GRID2: variants seen among roughly 807,000 people sequenced by gnomAD.
GRID2 encodes the protein glutamate ionotropic receptor delta type subunit 2, also known as glutamate receptor ionotropic, delta-2.
A neutral mutation model predicts 114.8 loss-of-function variants in GRID2; 33 were observed. That is an observed-to-expected ratio of 0.29 (90% CI 0.22 to 0.38). The LOEUF (loss-of-function observed/expected upper bound fraction) is 0.38, where lower values mean the gene tolerates loss of function less well. Among genes scored for constraint, GRID2 ranks in the 10% least tolerant of loss-of-function variants. The probability of loss-of-function intolerance (pLI) is 1.00; values close to 1 mark genes in which losing one functional copy is unlikely to be tolerated. For synonymous variants in GRID2, 505 were observed against 449.9 expected (o/e 1.12, Z -1.55); for missense variants, 1,184 against 1,257.7 (o/e 0.94, Z 0.89).
chr4:93,657,373 CT>C (rs1386827519), intron 14 of GRID2, among the ~76,000 whole-genome samples: 1 of 152,014 alleles, frequency 6.6e-6, no homozygotes, highest in African/African-American at 2.4e-5. Context: ...TGAAATTAAA[CT>C]GTAGATTGAC....
At chr4:92,936,638 A>G (rs1287325101) in intron 2 of GRID2, among the ~76,000 whole-genome samples, 1 of 146,104 alleles carries the variant, frequency 6.8e-6, no homozygotes, top group Non-Finnish European at 1.5e-5. Flanking sequence ...GTTGTCATTT[A>G]TAAGGTCTGT....
intron 2 of GRID2, among the ~76,000 whole-genome samples, chr4:93,039,161 C>CT (rs1170301624): frequency 5.3e-5 from 8 of 152,138 alleles, no homozygotes; most frequent in Admixed American, 5.2e-4. Context: ...AGTTCATGTC[C>CT]TTTGCAGGAA....
At chr4:93,538,074 C>T (rs1732278456) in intron 13 of GRID2, among the ~76,000 whole-genome samples, 1 of 151,490 alleles carries the variant, frequency 6.6e-6, no homozygotes, top group South Asian at 2.1e-4. Flanking sequence ...AATTTTTATT[C>T]GTTTATTAAA....
chr4:93,579,655 A>T (rs574104518), intron 13 of GRID2, among the ~76,000 whole-genome samples: 1 of 152,194 alleles, frequency 6.6e-6, no homozygotes, highest in Non-Finnish European at 1.5e-5. Context: ...TAATTTTGCC[A>T]GACAACTGAG....
At chr4:93,793,754 G>T (rs970764835) in intron 1 of GRID2, among the ~76,000 whole-genome samples, 1 of 152,124 alleles carries the variant, frequency 6.6e-6, no homozygotes, top group Non-Finnish European at 1.5e-5. Context: ...ACAATGAGGG[G>T]AAGCTAAGCC....
chr4:92,849,467 G>A (rs1318520978), intron 2 of GRID2, among the ~76,000 whole-genome samples: 1 of 151,850 alleles, frequency 6.6e-6, no homozygotes, highest in African/African-American at 2.4e-5. Context: ...TCAAAGGCAG[G>A]TAAAAGGCAT....
intron 10 of GRID2, among the ~76,000 whole-genome samples, chr4:93,445,551 GT>G (rs1722017610): frequency 6.6e-6 from 1 of 151,840 alleles, no homozygotes; most frequent in African/African-American, 2.4e-5. Context: ...TCACTTTTAT[GT>G]TTTGTTTTTA....
intron 10 of GRID2, among the ~76,000 whole-genome samples, chr4:93,444,600 T>C (rs1721920558): frequency 6.6e-6 from 1 of 151,906 alleles, no homozygotes; most frequent in African/African-American, 2.4e-5. Flanking sequence ...AAAGGAAACA[T>C]TCAAAAAAGT....
At chr4:93,477,416 C>T (rs1345867250) in intron 11 of GRID2, among the ~76,000 whole-genome samples, 1 of 152,064 alleles carries the variant, frequency 6.6e-6, no homozygotes, top group African/African-American at 2.4e-5. Context: ...TTTGATTATC[C>T]ATTAATATTG....
intron 13 of GRID2, among the ~76,000 whole-genome samples, chr4:93,531,423 T>A (rs573602336): frequency 6.6e-6 from 1 of 152,268 alleles, no homozygotes; most frequent in Admixed American, 6.6e-5. Context: ...GTATTATTTA[T>A]TTGATTACTG....
At chr4:93,356,389 TA>T (rs1372491152) in intron 8 of GRID2, among the ~76,000 whole-genome samples, 2 of 151,484 alleles carry the variant, frequency 1.3e-5, no homozygotes, top group African/African-American at 2.4e-5. Context: ...CTTTTATGAT[TA>T]TTTTTTTCTC....
chr4:92,562,863 G>T (rs2149183758), intron 1 of GRID2, among the ~76,000 whole-genome samples: 1 of 152,270 alleles, frequency 6.6e-6, no homozygotes, highest in Admixed American at 6.5e-5. Context: ...ATGCCTGGCA[G>T]AGTGCCCTGA....
intron 1 of GRID2, among the ~76,000 whole-genome samples, chr4:92,515,983 T>C (rs1724483892): frequency 6.6e-6 from 1 of 151,978 alleles, no homozygotes; most frequent in Admixed American, 6.6e-5. Flanking sequence ...AACCACTCAA[T>C]GTTGCCTTCC....
At chr4:92,650,766 G>A (rs1010672382) in intron 2 of GRID2, among the ~76,000 whole-genome samples, 1 of 151,724 alleles carries the variant, frequency 6.6e-6, no homozygotes, top group Non-Finnish European at 1.5e-5. Flanking sequence ...ATGCTGAGTG[G>A]TACCACTCCC....
At position 93,515,180 on chromosome 4, in the gene GRID2, T is replaced by C. The variant is rs1250825317; in HGVS notation, c.1998-36T>C. 5.2e-6 allele frequency: 5 copies of C among 968,318 alleles called. No homozygotes were observed. In the East Asian group the frequency reaches 1.3e-4, roughly 26 times the overall value. 60.0% of individuals were successfully genotyped at this position (968,318 alleles called of 1,614,324 possible). ...TCCCACTTGAAAATACTCAGTAATG[T>C]GTCTCTTGTGTCTCTCTTCTCTCCC... On this transcript the variant is annotated intron_variant, in intron 12 of 15. Transcript: ENST00000282020.
intron 4 of GRID2, among the ~76,000 whole-genome samples, chr4:93,136,235 TGTGTGTGTG>T (rs2149380950): frequency 1.4e-4 from 1 of 7,292 alleles, no homozygotes; most frequent in Admixed American, 2.8e-3. Context: ...ACAGTTATTG[TGTGTGTGTG>T]TGTGTGTGTG....
At chr4:92,625,232 T>A (rs1730462310) in intron 2 of GRID2, among the ~76,000 whole-genome samples, 1 of 151,938 alleles carries the variant, frequency 6.6e-6, no homozygotes, top group Admixed American at 6.6e-5. Flanking sequence ...TTCACATTAA[T>A]TTTTCAATTA....
chr4:92,371,663 G>A (rs748910862), intron 1 of GRID2, among the ~76,000 whole-genome samples: 2 of 152,150 alleles, frequency 1.3e-5, no homozygotes, highest in Non-Finnish European at 2.9e-5. Flanking sequence ...TGACGGCTCT[G>A]ATGGAGATGT....
At chr4:92,349,508 A>G (rs1727954593) in intron 1 of GRID2, among the ~76,000 whole-genome samples, 1 of 151,790 alleles carries the variant, frequency 6.6e-6, no homozygotes, top group Non-Finnish European at 1.5e-5. Flanking sequence ...AGGGGAGATG[A>G]TTGATATTTT....
Sources: allele counts gnomAD v4.1 joint callset (sites outside exome capture counted in the v4.1 genomes callset), GRCh38; gene constraint gnomAD v4.1.1; transcripts MANE v1.5; gene names NCBI Gene and HGNC (gene_info 2026-07-23, HGNC 2026-07-21).